Variants in CIB4 observed in about 807,000 individuals in gnomAD.
CIB4 encodes calcium and integrin binding family member 4.
A neutral mutation model predicts 25.8 loss-of-function variants in CIB4; 25 were observed. The observed-to-expected ratio is 0.97, with a 90% CI of 0.71 to 1.35. CIB4 has a LOEUF of 1.35. Ranked by LOEUF, CIB4 falls within the 40% of genes most tolerant of loss-of-function variation. The probability of loss-of-function intolerance (pLI) is 0.00; values close to 1 mark genes in which losing one functional copy is unlikely to be tolerated. For synonymous variants in CIB4, 75 were observed against 81.4 expected, an observed-to-expected ratio of 0.92 and a Z score of 0.42; for missense variants, 235 against 228.2, an observed-to-expected ratio of 1.03 and a Z score of -0.19.
In CIB4 at chr2:26,637,957, T is replaced by C. The variant is rs144158314; in HGVS notation, c.89+2576A>G. ...TGTCCAAGTAATAGGAGTTGGATAC[T>C]TTGCCCTCTACTCTGCCTTCCTTAT... On this transcript the variant is annotated intron_variant, in intron 2 of 6. Coordinates refer to ENST00000288861, the MANE Select transcript of CIB4 (RefSeq NM_001029881.3). 2.4e-4 allele frequency among the ~76,000 whole-genome samples: 37 copies of C among 152,294 alleles called. No homozygotes were observed. In the East Asian group the frequency reaches 5.4e-3, roughly 22 times the overall value.
intron 4 of CIB4, among the ~76,000 whole-genome samples, chr2:26,584,884 C>T (rs913639705): frequency 8.5e-5 from 13 of 152,150 alleles, no homozygotes; most frequent in Non-Finnish European, 1.3e-4. Flanking sequence ...CCGTGTGTGC[C>T]GGCTGCTAGT....
chr2:26,591,796 G>A (rs1395571424), intron 4 of CIB4, among the ~76,000 whole-genome samples: 14 of 152,242 alleles, frequency 9.2e-5, no homozygotes, highest in Non-Finnish European at 1.8e-4. Flanking sequence ...AAGTGGCCAG[G>A]TTGAGAGGCC....
chr2:26,594,237 T>C (rs1224570691), intron 4 of CIB4, among the ~76,000 whole-genome samples: 1 of 152,106 alleles, frequency 6.6e-6, no homozygotes, highest in East Asian at 1.9e-4. Context: ...ATGATAGGAG[T>C]TTACTCAGCC....
At chr2:26,595,073 C>T in intron 4 of CIB4, 103 bp downstream of exon 4, 1 of 1,162,302 alleles carries the variant, frequency 8.6e-7, no homozygotes, top group Admixed American at 1.9e-5. Context: ...CCAAGCACAC[C>T]CCAGTTAATG....
intron 3 of CIB4, 109 bp downstream of exon 3, chr2:26,629,301 C>T: frequency 1.4e-6 from 1 of 709,326 alleles, no homozygotes; most frequent in Non-Finnish European, 2.5e-6. Flanking sequence ...GTGAGGTGAC[C>T]ATCCCACAGC....
intron 4 of CIB4, among the ~76,000 whole-genome samples, chr2:26,591,440 C>T (rs949109805): frequency 2.0e-5 from 3 of 152,158 alleles, no homozygotes; most frequent in East Asian, 1.9e-4. Flanking sequence ...AGATGAGAGA[C>T]GAGGCAGCCA....
intron 3 of CIB4, among the ~76,000 whole-genome samples, chr2:26,629,196 C>T (rs1236504059): frequency 2.0e-5 from 3 of 152,110 alleles, no homozygotes; most frequent in African/African-American, 2.4e-5. Context: ...GCTCTAGGAC[C>T]GAGGTGAGGA....
rs116563378 is a variant in CIB4, at chr2:26,617,718, T to A, written c.186+11692A>T. Among the ~76,000 whole-genome samples, 1,042 of 152,298 alleles carry A rather than the reference T, an allele frequency of 6.8e-3. 13 individuals carry two copies. Among genetic ancestry groups the A allele is most frequent in the African/African-American group, 0.023 (962 of 41,550 alleles). On this transcript the variant is annotated intron_variant, in intron 3 of 6. Coordinates refer to ENST00000288861, the MANE Select transcript of CIB4 (RefSeq NM_001029881.3). ...GATTATCACCGGGTCCAGCTGTCCCTGCCTGGGTTGAGGATGATCAAAGAG... is the reference window on the plus strand; with the variant it reads ...GATTATCACCGGGTCCAGCTGTCCCAGCCTGGGTTGAGGATGATCAAAGAG...
At chr2:26,605,129 GA>G in intron 3 of CIB4, among the ~76,000 whole-genome samples, 1 of 152,164 alleles carries the variant, frequency 6.6e-6, no homozygotes, top group South Asian at 2.1e-4. Flanking sequence ...AAAGATTCTT[GA>G]AAACCCTCAA....
chr2:26,623,025 A>T (rs892753145), intron 3 of CIB4, among the ~76,000 whole-genome samples: 1 of 151,776 alleles, frequency 6.6e-6, no homozygotes, highest in Non-Finnish European at 1.5e-5. Flanking sequence ...AATGATAAAA[A>T]CTAAAAAAAA....
intron 4 of CIB4, among the ~76,000 whole-genome samples, chr2:26,587,262 G>A (rs993570935): frequency 2.6e-5 from 3 of 117,500 alleles, no homozygotes; most frequent in South Asian, 2.9e-4. Flanking sequence ...GTGAGATCAC[G>A]CCACTGCACT....
chr2:26,628,315 C>T (rs1669347464), intron 3 of CIB4, among the ~76,000 whole-genome samples: 2 of 152,126 alleles, frequency 1.3e-5, no homozygotes, highest in Admixed American at 1.3e-4. Flanking sequence ...GGAGCAGGGA[C>T]AGCTCAGGCT....
Position 26,595,282 on chromosome 2 carries a change from G to A in CIB4, c.222C>T (p.Phe74=), listed in dbSNP as rs781769432. Residue 74 remains phenylalanine, a synonymous_variant, in exon 4 of 7, where the codon TTC becomes TTT. Transcript: ENST00000288861. Reference sequence around the variant, plus strand: ...CAAAGGAGAACATGCCTTTGTGGGAGAACACTCTGCAGATACGGTCTCTGA... The same window carrying A: ...CAAAGGAGAACATGCCTTTGTGGGAAAACACTCTGCAGATACGGTCTCTGA... ...NPFRDRICRV[F]SHKGMFSFED... is the part of the protein sequence containing the mutation. 6.2e-7 allele frequency: 1 copy of A among 1,614,144 alleles called. No homozygotes were observed. The highest frequency in any genetic ancestry group is 2.2e-5 in the East Asian group (1 of 44,878).
chr2:26,608,531 C>T (rs1668936273), intron 3 of CIB4, among the ~76,000 whole-genome samples: 1 of 152,154 alleles, frequency 6.6e-6, no homozygotes, highest in Admixed American at 6.5e-5. Flanking sequence ...AGACTACATC[C>T]ACTAAATGAC....
At chr2:26,617,176 G>A (rs1205165560) in intron 3 of CIB4, among the ~76,000 whole-genome samples, 3 of 152,002 alleles carry the variant, frequency 2.0e-5, no homozygotes, top group African/African-American at 7.3e-5. Flanking sequence ...GCATGATTGT[G>A]TCCTGGGCAT....
At chr2:26,622,131 CG>C (rs1669214938) in intron 3 of CIB4, among the ~76,000 whole-genome samples, 1 of 151,870 alleles carries the variant, frequency 6.6e-6, no homozygotes, top group Middle Eastern at 3.4e-3. Flanking sequence ...GAGGCCGAGG[CG>C]GGTGGATCGC....
intron 3 of CIB4, among the ~76,000 whole-genome samples, chr2:26,621,450 A>G (rs1669203910): frequency 6.6e-6 from 1 of 152,200 alleles, no homozygotes; most frequent in African/African-American, 2.4e-5. Flanking sequence ...ATGTTATCCC[A>G]GCACTTTGGG....
In CIB4 at chr2:26,629,433, C is replaced by G; in HGVS notation, c.163G>C (p.Val55Leu). Reference protein sequence around the residue: ...YKEATLTMDQVSSLPALRVNP... With the variant: ...YKEATLTMDQLSSLPALRVNP... Reference sequence around the variant, plus strand: ...ACCCGCAGAGCTGGCAGGGAGCTGACCTGGTCCATGGTGAGCGTTGCCTCC... The same window carrying G: ...ACCCGCAGAGCTGGCAGGGAGCTGAGCTGGTCCATGGTGAGCGTTGCCTCC... The change falls in exon 3 of 7, where the codon GTC becomes CTC. Residue 55 changes from valine to leucine, a missense_variant. Coordinates refer to ENST00000288861, the MANE Select transcript of CIB4 (RefSeq NM_001029881.3). 1 of 1,581,208 alleles carries G rather than the reference C, an allele frequency of 6.3e-7. No homozygotes were observed. Among genetic ancestry groups the G allele is most frequent in the Non-Finnish European group, 8.6e-7 (1 of 1,163,296 alleles).
rs145849537 is a variant in CIB4, at chr2:26,620,194, C to A, written c.186+9216G>T. Reference sequence around the variant, plus strand: ...ATCCCAGAATCCCCTACAGACTCCGCGACTGAGGAAGCAGGACCCGAATCC... The same window carrying A: ...ATCCCAGAATCCCCTACAGACTCCGAGACTGAGGAAGCAGGACCCGAATCC... On this transcript the variant is annotated intron_variant, in intron 3 of 6. Transcript: ENST00000288861. 6.3e-5 allele frequency among the ~76,000 whole-genome samples: 9 copies of A among 143,872 alleles called. No individual in the cohort carries two copies. The East Asian group carries it at 1.4e-3, about 23-fold the overall frequency. The allele number at this position is 143,872 out of a possible 152,430, so 94.4% of individuals were successfully genotyped here.
Sources: allele counts gnomAD v4.1 joint callset (sites outside exome capture counted in the v4.1 genomes callset), GRCh38; gene constraint gnomAD v4.1.1; transcripts MANE v1.5; gene names NCBI Gene and HGNC (gene_info 2026-07-23, HGNC 2026-07-21).